Variants in RASSF2 observed in about 807,000 individuals in gnomAD.
RASSF2 encodes the protein ras association domain-containing protein 2.
Under a neutral mutation model 46.3 loss-of-function variants are expected in RASSF2, and 34 were observed. The ratio of observed to expected loss-of-function variants is 0.73; its 90% CI spans 0.56 to 0.98. The LOEUF (loss-of-function observed/expected upper bound fraction) is 0.98. RASSF2 is among the 50% of genes least tolerant of loss of function. The pLI is 0.00. For synonymous variants in RASSF2, 158 were observed against 162.5 expected (o/e 0.97, Z 0.21); for missense variants, 364 against 431.2 (o/e 0.84, Z 1.38).
intron 4 of RASSF2, among the ~76,000 whole-genome samples, chr20:4,796,246 A>G (rs1345328315): frequency 6.6e-6 from 1 of 152,254 alleles, no homozygotes; most frequent in Non-Finnish European, 1.5e-5. Flanking sequence ...TTTTCTTTTT[A>G]TCCTAATGAC....
At chr20:4,822,437 C>T (rs1365617348) in intron 1 of RASSF2, 34 bp from the exon 2 acceptor site, 1 of 152,294 alleles carries the variant, frequency 6.6e-6, no homozygotes, top group East Asian at 1.9e-4. Context: ...TGTTGAGAGG[C>T]CTCGCGCTTG....
intron 2 of RASSF2, among the ~76,000 whole-genome samples, chr20:4,802,912 ATATT>A (rs1269350784): frequency 6.5e-4 from 39 of 60,052 alleles, no homozygotes; most frequent in Middle Eastern, 8.9e-3. Flanking sequence ...ATATATATAT[ATATT>A]TTTTTTTTTT....
At chr20:4,799,121 G>A (rs1926647669) in intron 3 of RASSF2, among the ~76,000 whole-genome samples, 1 of 152,022 alleles carries the variant, frequency 6.6e-6, no homozygotes, top group Admixed American at 6.5e-5. Flanking sequence ...ACAAGAAGTG[G>A]GCATGAGGTG....
chr20:4,798,223 CAT>C, intron 3 of RASSF2, 138 bp from the exon 4 acceptor site: 1 of 1,328,516 alleles, frequency 7.5e-7, no homozygotes, highest in South Asian at 1.4e-5. Context: ...CATACACACA[CAT>C]GCACATGCAC....
chr20:4,788,127 A>G (rs1054319725), intron 9 of RASSF2, 90 bp downstream of exon 9: 2 of 1,268,872 alleles, frequency 1.6e-6, no homozygotes, highest in African/African-American at 3.0e-5. Flanking sequence ...CAAAACTCAA[A>G]CAACAAGCAA....
intron 2 of RASSF2, among the ~76,000 whole-genome samples, chr20:4,802,850 C>T (rs62199456): frequency 6.7e-6 from 1 of 149,670 alleles, no homozygotes; most frequent in Admixed American, 6.7e-5. Context: ...TGTATTTTAC[C>T]ACTATATACA....
At chr20:4,820,311 C>G (rs764701976) in intron 2 of RASSF2, among the ~76,000 whole-genome samples, 2 of 152,050 alleles carry the variant, frequency 1.3e-5, no homozygotes, top group South Asian at 4.1e-4. Flanking sequence ...TTGAGACCAG[C>G]CTGGATAACA....
chr20:4,787,207 G>A (rs1925433150), intron 10 of RASSF2, among the ~76,000 whole-genome samples: 1 of 152,202 alleles, frequency 6.6e-6, no homozygotes, highest in Non-Finnish European at 1.5e-5. Flanking sequence ...AGTGGAATGT[G>A]TGTGGACATG....
intron 5 of RASSF2, 152 bp from the exon 6 acceptor site, chr20:4,792,779 A>T: frequency 1.4e-6 from 2 of 1,427,148 alleles, no homozygotes; most frequent in African/African-American, 1.4e-5. Flanking sequence ...AAGGGTGCAG[A>T]TGGGCTGCGC....
chr20:4,793,755 T>G (rs771036644), intron 5 of RASSF2, among the ~76,000 whole-genome samples: 33 of 152,106 alleles, frequency 2.2e-4, no homozygotes, highest in Admixed American at 4.6e-4. Context: ...GCTGGGATTA[T>G]AGGCACGATC....
At chr20:4,797,411 G>A (rs1926436800) in intron 4 of RASSF2, among the ~76,000 whole-genome samples, 2 of 152,200 alleles carry the variant, frequency 1.3e-5, no homozygotes, top group African/African-American at 2.4e-5. Flanking sequence ...AGGCGCTTGA[G>A]TATAAAGTAC....
In RASSF2 at chr20:4,790,490, G is replaced by T. The variant is rs773845628; in HGVS notation, c.498C>A (p.Arg166=). The T allele has an allele frequency of 6.6e-7, 1 of 1,511,152 alleles. No homozygotes were observed. The highest frequency in any genetic ancestry group is 8.8e-7 in the Non-Finnish European group (1 of 1,133,686). The allele number at this position is 1,511,152 out of a possible 1,614,324, so 93.6% of individuals were successfully genotyped here. A position where few individuals can be genotyped will look rare whatever the true frequency, so the allele number is the denominator to read the frequency against. The change falls in exon 7 of 12, where the codon CGC becomes CGA. Residue 166 remains arginine (R), a synonymous_variant. Transcript: ENST00000379400. This position sits in a 1 kb window ranked among gnomAD's most constrained non-coding sequence, Gnocchi z 4.3. ...RTPSDQRRIR[R]HRFSINGHFY... ...AATGGCCGTTGATGGAGAAGCGGTGGCGTCTGATTCGCCGCTGGTCACTAG... is the reference window on the plus strand; with the variant it reads ...AATGGCCGTTGATGGAGAAGCGGTGTCGTCTGATTCGCCGCTGGTCACTAG...
Position 4,786,222 on chromosome 20 carries a change from C to T in RASSF2, c.911+9G>A, listed in dbSNP as rs1925322681. Reference sequence around the variant, plus strand: ...GAAGTGCACCCAGTGCCCCAGAAGCCACACTTACTTGCGCATCAGCTTCTT... The same window carrying T: ...GAAGTGCACCCAGTGCCCCAGAAGCTACACTTACTTGCGCATCAGCTTCTT... On this transcript the variant is annotated intron_variant, in intron 11 of 11. Transcript: ENST00000379400. 1 of 1,598,872 alleles carries T rather than the reference C, an allele frequency of 6.3e-7. No individual in the cohort carries two copies. Among genetic ancestry groups the T allele is most frequent in the Admixed American group, 1.7e-5 (1 of 59,948 alleles).
chr20:4,823,006 AG>A (rs1231058588), intron 1 of RASSF2, among the ~76,000 whole-genome samples: 1 of 152,172 alleles, frequency 6.6e-6, no homozygotes, highest in Non-Finnish European at 1.5e-5. Context: ...CAGGGGTCGT[AG>A]AAGGAGGACT....
At chr20:4,797,572 G>T (rs574883196) in intron 4 of RASSF2, among the ~76,000 whole-genome samples, 3 of 152,030 alleles carry the variant, frequency 2.0e-5, no homozygotes, top group Non-Finnish European at 2.9e-5. Flanking sequence ...CCCACTATCA[G>T]TGGGGACTCT....
intron 2 of RASSF2, among the ~76,000 whole-genome samples, chr20:4,818,193 G>A (rs1928444472): frequency 6.6e-6 from 1 of 152,024 alleles, no homozygotes. Context: ...CTTGAACTTG[G>A]GAGGTAGAGG....
chr20:4,799,267 T>C (rs531449644), intron 3 of RASSF2, among the ~76,000 whole-genome samples: 2 of 152,280 alleles, frequency 1.3e-5, no homozygotes, highest in East Asian at 3.9e-4. Context: ...GGAGTACAGC[T>C]CTACTGCACG....
chr20:4,817,238 T>C (rs1357551334), intron 2 of RASSF2, among the ~76,000 whole-genome samples: 1 of 152,214 alleles, frequency 6.6e-6, no homozygotes, highest in East Asian at 1.9e-4. Context: ...TCTCCATTTG[T>C]CACTATGGAG....
In RASSF2 at chr20:4,795,913, G is replaced by T. The variant is rs774490475; in HGVS notation, c.189C>A (p.Arg63=). 1 of 1,598,024 alleles carries T rather than the reference G, an allele frequency of 6.3e-7. No individual in the cohort carries two copies. The highest frequency in any genetic ancestry group is 1.3e-5 in the African/African-American group (1 of 74,078). ...EGLLNISWGL[R]RPIRLQMQDD... is the part of the protein sequence containing the mutation. ...CCTGCATCTGCAGGCGAATGGGCCG[G>T]CGCAGGCCCCAGGAGATGTTCAGGA... Residue 63 remains arginine (R), a synonymous_variant, in exon 5 of 12, where the codon CGC becomes CGA. Transcript: ENST00000379400. The surrounding 1 kb of genome is among the most constrained non-coding windows in gnomAD (Gnocchi z 4.0).
Sources: allele counts gnomAD v4.1 joint callset (sites outside exome capture counted in the v4.1 genomes callset), GRCh38; gene constraint gnomAD v4.1.1; non-coding constraint Gnocchi (gnomAD v3.1); transcripts MANE v1.5; gene names NCBI Gene and HGNC (gene_info 2026-07-23, HGNC 2026-07-21).